POPDC1: variants seen among roughly 807,000 people sequenced by gnomAD.
The protein encoded by POPDC1 is popeye domain cAMP effector 1, also known as popeye domain-containing protein 1.
chr6:105,116,843 C>T, the POPDC1 span: 1 of 1,611,964 alleles, frequency 6.2e-7, no homozygotes, highest in Non-Finnish European at 8.5e-7. Flanking sequence ...TAAAAATCTG[C>T]AGTTATCATC....
the POPDC1 span, among the ~76,000 whole-genome samples, chr6:105,109,416 C>T: frequency 3.3e-5 from 5 of 151,994 alleles, no homozygotes; most frequent in Admixed American, 2.0e-4. Context: ...GAGCTATCTA[C>T]GTAGGTCAGT....
At chr6:105,103,456 G>A in the POPDC1 span, among the ~76,000 whole-genome samples, 2 of 151,466 alleles carry the variant, frequency 1.3e-5, no homozygotes, top group Non-Finnish European at 2.9e-5. Context: ...CTTGAGTGTG[G>A]CAAAATTGTC....
chr6:105,135,769 C>T, the POPDC1 span, among the ~76,000 whole-genome samples: 5 of 151,952 alleles, frequency 3.3e-5, no homozygotes, highest in South Asian at 1.0e-3. Context: ...ATATAATTGT[C>T]TATTGTGAAA....
the POPDC1 span, among the ~76,000 whole-genome samples, chr6:105,127,809 G>A: frequency 6.6e-6 from 1 of 151,742 alleles, no homozygotes; most frequent in South Asian, 2.1e-4. Context: ...CACCCAGGCT[G>A]GAGTACAGTG....
At chr6:105,121,129 A>C in the POPDC1 span, among the ~76,000 whole-genome samples, 1 of 152,154 alleles carries the variant, frequency 6.6e-6, no homozygotes, top group African/African-American at 2.4e-5. Flanking sequence ...TGGGCTTTGC[A>C]ACACCAGGAC....
At chr6:105,107,296 A>C in the POPDC1 span, among the ~76,000 whole-genome samples, 2 of 152,232 alleles carry the variant, frequency 1.3e-5, no homozygotes, top group African/African-American at 2.4e-5. Context: ...CTTACATGAC[A>C]ATCAGTCAAA....
the POPDC1 span, among the ~76,000 whole-genome samples, chr6:105,119,536 C>T: frequency 6.6e-6 from 1 of 152,152 alleles, no homozygotes. Flanking sequence ...TGGAAGGCAA[C>T]TGAAAAATAT....
chr6:105,114,555 AT>A, the POPDC1 span, among the ~76,000 whole-genome samples: 2 of 152,246 alleles, frequency 1.3e-5, no homozygotes, highest in African/African-American at 2.4e-5. Context: ...TTGGTTTAAA[AT>A]ACAATTGGAA....
the POPDC1 span, among the ~76,000 whole-genome samples, chr6:105,112,052 A>C: frequency 6.6e-6 from 1 of 152,160 alleles, no homozygotes; most frequent in African/African-American, 2.4e-5. Context: ...TCCTACTCAA[A>C]GTGTAGTTCA....
chr6:105,121,723 C>G, the POPDC1 span, among the ~76,000 whole-genome samples: 18 of 152,158 alleles, frequency 1.2e-4, no homozygotes, highest in Non-Finnish European at 2.5e-4. Context: ...TGCTTATTAT[C>G]ATGATAATTA....
the POPDC1 span, chr6:105,124,722 C>A: frequency 8.8e-7 from 1 of 1,136,730 alleles, no homozygotes; most frequent in Non-Finnish European, 1.3e-6. Context: ...CTTAAAACTG[C>A]TATCATCTTA....
chr6:105,098,336 T>C, the POPDC1 span: 1 of 152,232 alleles, frequency 6.6e-6, no homozygotes, highest in African/African-American at 2.4e-5. Flanking sequence ...CTTAGAGGTG[T>C]GTGTTTAAAA....
chr6:105,124,385 C>CAAAAAAAAAAAAAAAAAAAAAAA, the POPDC1 span, among the ~76,000 whole-genome samples: 1 of 81,778 alleles, frequency 1.2e-5, no homozygotes, highest in Non-Finnish European at 2.5e-5. Flanking sequence ...CCGTCTCAAA[C>CAAAAAAAAAAAAAAAAAAAAAAA]AAAAAAAAAA....
chr6:105,102,669 A>G, the POPDC1 span, among the ~76,000 whole-genome samples: 1 of 152,180 alleles, frequency 6.6e-6, no homozygotes, highest in Non-Finnish European at 1.5e-5. Context: ...GATCTGCTCC[A>G]TGGGATTGTT....
At chr6:105,127,476 T>A in the POPDC1 span, among the ~76,000 whole-genome samples, 1 of 152,176 alleles carries the variant, frequency 6.6e-6, no homozygotes, top group South Asian at 2.1e-4. Flanking sequence ...TTTTTGGAGA[T>A]GGAGCTCGCT....
At chr6:105,128,538 T>A in the POPDC1 span, among the ~76,000 whole-genome samples, 3 of 152,188 alleles carry the variant, frequency 2.0e-5, no homozygotes, top group Non-Finnish European at 4.4e-5. Flanking sequence ...TCATTGAGAT[T>A]TATTACATAG....
At chr6:105,113,667 T>C in the POPDC1 span, among the ~76,000 whole-genome samples, 3 of 152,232 alleles carry the variant, frequency 2.0e-5, no homozygotes, top group African/African-American at 4.8e-5. Context: ...CCGACCTTCA[T>C]GTGAGCTTTA....
At chr6:105,115,749 A>T in the POPDC1 span, 1 of 1,614,118 alleles carries the variant, frequency 6.2e-7, no homozygotes. Context: ...CTGTCACTGG[A>T]GCTGGCTATA....
At chr6:105,106,615 G>C in the POPDC1 span, among the ~76,000 whole-genome samples, 11 of 152,260 alleles carry the variant, frequency 7.2e-5, no homozygotes, top group East Asian at 2.1e-3. Flanking sequence ...TGGCAGCCAG[G>C]GCTGGGTGCT....
Sources: allele counts gnomAD v4.1 joint callset (sites outside exome capture counted in the v4.1 genomes callset), GRCh38; gene constraint gnomAD v4.1.1; transcripts MANE v1.5; gene names NCBI Gene and HGNC (gene_info 2026-07-23, HGNC 2026-07-21).